Variants in TRMT11 observed in about 807,000 individuals in gnomAD.
The protein encoded by TRMT11 is tRNA (guanine(10)-N(2))-methyltransferase TRMT11.
In TRMT11, 53 loss-of-function variants were observed where a neutral mutation model predicts 62.8. That is an observed-to-expected ratio of 0.84 (90% CI 0.68 to 1.06). The LOEUF is 1.06. Ranked by LOEUF, TRMT11 falls within the 50% of genes least tolerant of loss-of-function variation. TRMT11 has a pLI of 0.00. For synonymous variants in TRMT11, 188 were observed against 190.3 expected (o/e 0.99, Z 0.10); for missense variants, 556 against 553.4 (o/e 1.00, Z -0.05).
intron 1 of TRMT11, among the ~76,000 whole-genome samples, chr6:126,178,204 C>T (rs979073313): frequency 1.3e-5 from 2 of 152,206 alleles, no homozygotes; most frequent in African/African-American, 4.8e-5. Flanking sequence ...ATGCAACACT[C>T]AGATCACCCT....
intron 21 of TRMT11, among the ~76,000 whole-genome samples, chr6:126,168,882 G>A (rs1287073964): frequency 6.6e-6 from 1 of 152,178 alleles, no homozygotes; most frequent in Non-Finnish European, 1.5e-5. Flanking sequence ...TCTACTTGTG[G>A]TGGATCCACT....
chr6:126,224,377 A>C, the TRMT11 span, among the ~76,000 whole-genome samples: 7 of 152,112 alleles, frequency 4.6e-5, no homozygotes, highest in African/African-American at 1.7e-4. Context: ...GTTGGGTTCA[A>C]TCTGGTAGCT....
intron 12 of TRMT11, among the ~76,000 whole-genome samples, chr6:126,035,902 C>T (rs1245523647): frequency 6.6e-6 from 1 of 152,022 alleles, no homozygotes; most frequent in Admixed American, 6.6e-5. Context: ...TCCTTTGGTC[C>T]GTAGAGGAAG....
intron 5 of TRMT11, 60 bp downstream of exon 5, chr6:125,998,375 T>C (rs1391578272): frequency 7.8e-7 from 1 of 1,289,450 alleles, no homozygotes; most frequent in Non-Finnish European, 1.1e-6. Flanking sequence ...CCATTGTTGA[T>C]ATATAGGAAT....
At chr6:126,213,763 A>G in the TRMT11 span, among the ~76,000 whole-genome samples, 3 of 151,988 alleles carry the variant, frequency 2.0e-5, no homozygotes, top group African/African-American at 7.2e-5. Context: ...TGACTGCTCT[A>G]GCTAGGACTT....
At chr6:126,151,854 C>CTCCTTCCTTCCTTGTCTT (rs1778052895) in intron 21 of TRMT11, among the ~76,000 whole-genome samples, 5 of 125,474 alleles carry the variant, frequency 4.0e-5, no homozygotes, top group South Asian at 2.5e-4. Flanking sequence ...TTCTTTCTTT[C>CTCCTTCCTTCCTTGTCTT]TTTCTTTCTT....
rs139683627 is a variant in TRMT11, at chr6:126,125,526, A to G, written c.*1823+9671A>G. Among the ~76,000 whole-genome samples, 1,304 of 152,110 alleles carry G rather than the reference A, an allele frequency of 8.6e-3. 11 individuals are homozygous for G. The highest frequency in any genetic ancestry group is 0.024 in the South Asian group (115 of 4,816). ...TCTTCTTCATTGAATCTCATATATA[A>G]ATTTATTTCATGGATATTTATCAAG... On this transcript the variant is annotated intron_variant and NMD_transcript_variant, in intron 21 of 22. Coordinates refer to the TRMT11 transcript ENST00000648977.
chr6:126,260,666 C>A, the TRMT11 span, among the ~76,000 whole-genome samples: 1 of 152,096 alleles, frequency 6.6e-6, no homozygotes, highest in South Asian at 2.1e-4. Context: ...GTCTTTATTT[C>A]TCTTTTATTT....
chr6:126,271,736 C>T, the TRMT11 span, among the ~76,000 whole-genome samples: 1 of 151,992 alleles, frequency 6.6e-6, no homozygotes, highest in Non-Finnish European at 1.5e-5. Context: ...AGGGAGGACC[C>T]GTTGTCAATT....
chr6:126,162,937 A>C (rs1294554219), intron 21 of TRMT11, among the ~76,000 whole-genome samples: 3 of 152,216 alleles, frequency 2.0e-5, no homozygotes, highest in East Asian at 1.9e-4. Context: ...GAAATTGCTT[A>C]TCAGCTTAAG....
intron 17 of TRMT11, among the ~76,000 whole-genome samples, chr6:126,077,602 G>T (rs11963131): frequency 1.3e-5 from 2 of 152,064 alleles, no homozygotes; most frequent in Admixed American, 6.6e-5. Flanking sequence ...AACTGGGACT[G>T]CAGGCATGAG....
chr6:126,201,204 C>T lies in TRMT11; in HGVS notation n.372-824C>T, dbSNP rs540033271. ...ATCTGGAATAGCCATGATAGTGCTTCGGAAACAGTTTTGAATATTGGCCAT... is the reference window on the plus strand; with the variant it reads ...ATCTGGAATAGCCATGATAGTGCTTTGGAAACAGTTTTGAATATTGGCCAT... On this transcript the variant is annotated intron_variant and non_coding_transcript_variant, in intron 3 of 3. Coordinates refer to the TRMT11 transcript ENST00000444229. 1.2e-3 allele frequency among the ~76,000 whole-genome samples: 181 copies of T among 152,212 alleles called. 2 individuals are homozygous for T. The highest frequency in any genetic ancestry group is 3.9e-3 in the African/African-American group (162 of 41,522).
intron 1 of TRMT11, 73 bp from the exon 2 acceptor site, chr6:125,993,684 T>C (rs1554214954): frequency 5.3e-6 from 5 of 936,534 alleles, no homozygotes; most frequent in Middle Eastern, 2.7e-4. Context: ...AGTCATGTAA[T>C]ACCTGTCTCC....
chr6:126,060,051 A>T (rs1776486035), intron 17 of TRMT11, among the ~76,000 whole-genome samples: 1 of 152,246 alleles, frequency 6.6e-6, no homozygotes. Context: ...TGATGTTGTC[A>T]CTAGTCTGCT....
In TRMT11 at chr6:125,998,530, A is replaced by G. The variant is rs768001478; in HGVS notation, c.388-20A>G. 2 of 1,604,490 alleles carry G rather than the reference A, an allele frequency of 1.2e-6. No homozygotes were observed. Among genetic ancestry groups the G allele is most frequent in the African/African-American group, 1.3e-5 (1 of 74,200 alleles). On this transcript the variant is annotated intron_variant, in intron 5 of 12. Coordinates refer to ENST00000334379, the MANE Select transcript of TRMT11 (RefSeq NM_001031712.3). ...TTGTAAATTATTATAAGACATCAGC[A>G]TTTCTTTTGTTTCTTTTAGGCACTT...
At chr6:126,228,989 T>G in the TRMT11 span, among the ~76,000 whole-genome samples, 4 of 152,224 alleles carry the variant, frequency 2.6e-5, no homozygotes, top group African/African-American at 9.6e-5. Context: ...AGACACTTCA[T>G]GAAGATATGT....
intron 1 of TRMT11, among the ~76,000 whole-genome samples, chr6:126,196,952 A>G (rs1778673896): frequency 6.6e-6 from 1 of 152,222 alleles, no homozygotes; most frequent in Non-Finnish European, 1.5e-5. Flanking sequence ...TCAACTTAAA[A>G]TGAGAAGATA....
At chr6:125,997,879 T>A (rs1454974934) in intron 3 of TRMT11, among the ~76,000 whole-genome samples, 174 bp from the exon 4 acceptor site, 1 of 152,224 alleles carries the variant, frequency 6.6e-6, no homozygotes, top group Admixed American at 6.5e-5. Flanking sequence ...TTGGGAATAA[T>A]TGGCTTTTCT....
intron 7 of TRMT11, among the ~76,000 whole-genome samples, chr6:126,001,544 G>C (rs1203991055): frequency 6.6e-6 from 1 of 151,970 alleles, no homozygotes; most frequent in Non-Finnish European, 1.5e-5. Flanking sequence ...TGATCATCTG[G>C]TCTAGGTTGT....
Sources: gnomAD v4.1 joint callset for allele counts (sites outside exome capture counted in the v4.1 genomes callset) on GRCh38, gnomAD v4.1.1 for gene constraint, MANE v1.5 for transcripts, NCBI Gene and HGNC (gene_info 2026-07-23, HGNC 2026-07-21) for gene names.